UNC13C: variants seen among roughly 807,000 people sequenced by gnomAD.
The protein encoded by UNC13C is protein unc-13 homolog C.
UNC13C carries 174 observed loss-of-function variants against 245.4 expected under a neutral mutation model. That is an observed-to-expected ratio of 0.71 (90% CI 0.63 to 0.80). UNC13C has a LOEUF of 0.80. UNC13C is among the 30% of genes least tolerant of loss of function. The probability of loss-of-function intolerance (pLI) is 0.00; values close to 1 mark genes in which losing one functional copy is unlikely to be tolerated. For synonymous variants in UNC13C, 992 were observed against 895.1 expected (o/e 1.11, Z -1.93); for missense variants, 2,829 against 2,602.9 (o/e 1.09, Z -1.89).
At chr15:53,979,406 T>A (rs1450830054) in intron 1 of UNC13C, among the ~76,000 whole-genome samples, 1 of 124,342 alleles carries the variant, frequency 8.0e-6, no homozygotes, top group Non-Finnish European at 1.8e-5. Context: ...TACCAATGAT[T>A]TTTTTATTTC....
chr15:54,215,734 A>C (rs1483926524), intron 4 of UNC13C, among the ~76,000 whole-genome samples: 1 of 151,942 alleles, frequency 6.6e-6, no homozygotes, highest in Non-Finnish European at 1.5e-5. Flanking sequence ...AAATTACCTC[A>C]GTCAAGACTC....
intron 29 of UNC13C, among the ~76,000 whole-genome samples, chr15:54,558,301 G>A (rs1427729196): frequency 6.6e-6 from 1 of 152,038 alleles, no homozygotes; most frequent in South Asian, 2.1e-4. Context: ...AAAATTAAAA[G>A]TGAAGAGATT....
chr15:54,061,747 T>C (rs1230404791), intron 2 of UNC13C, among the ~76,000 whole-genome samples: 1 of 152,152 alleles, frequency 6.6e-6, no homozygotes, highest in African/African-American at 2.4e-5. Context: ...GCTTCCTCAC[T>C]GTATGCAGCC....
chr15:54,182,024 A>AT (rs2033818045), intron 4 of UNC13C, among the ~76,000 whole-genome samples: 1 of 150,122 alleles, frequency 6.7e-6, no homozygotes, highest in Non-Finnish European at 1.5e-5. Flanking sequence ...ATTGCCTTTT[A>AT]TTTTTTCTCT....
chr15:54,325,099 A>G (rs75416624), intron 14 of UNC13C, among the ~76,000 whole-genome samples: 4,107 of 152,166 alleles, frequency 0.027, 75 homozygotes, highest in African/African-American at 0.034. Context: ...GCACAGTTAT[A>G]TAAATTAAAG....
At chr15:53,842,441 C>T in the UNC13C span, among the ~76,000 whole-genome samples, 1 of 152,110 alleles carries the variant, frequency 6.6e-6, no homozygotes, top group Non-Finnish European at 1.5e-5. Flanking sequence ...GTCCTAAGAT[C>T]ATTGGCTGAG....
intron 10 of UNC13C, among the ~76,000 whole-genome samples, chr15:54,279,778 G>GTGAA (rs1163634429): frequency 1.3e-5 from 2 of 152,200 alleles, no homozygotes; most frequent in Non-Finnish European, 2.9e-5. Context: ...ATGTGGGAAT[G>GTGAA]TGAAGCTTTT....
chr15:54,556,480 C>A lies in UNC13C; in HGVS notation c.5958+968C>A. Among the ~76,000 whole-genome samples the A allele has an allele frequency of 1.3e-5, 2 of 152,056 alleles. 1 individual carries two copies. Among genetic ancestry groups the A allele is most frequent in the Non-Finnish European group, 2.9e-5 (2 of 67,962 alleles). ...TTTGCTGCTGCAGTGGTAAAAACTGCCACATTAAAGTTGGGAGGTGAGAGT... is the reference window on the plus strand; with the variant it reads ...TTTGCTGCTGCAGTGGTAAAAACTGACACATTAAAGTTGGGAGGTGAGAGT... On this transcript the variant is annotated intron_variant, in intron 29 of 32. Transcript: ENST00000260323.
intron 14 of UNC13C, 91 bp from the exon 15 acceptor site, chr15:54,331,952 C>A (rs927713063): frequency 1.3e-6 from 1 of 776,780 alleles, no homozygotes; most frequent in Non-Finnish European, 2.0e-6. Context: ...TCCTTCCTTT[C>A]TATAAAATAG....
chr15:54,366,207 AT>A (rs1237679595), intron 17 of UNC13C, among the ~76,000 whole-genome samples: 1 of 152,176 alleles, frequency 6.6e-6, no homozygotes, highest in East Asian at 1.9e-4. Flanking sequence ...TATTGCAGAC[AT>A]TTCATCTACA....
intron 30 of UNC13C, among the ~76,000 whole-genome samples, chr15:54,575,004 A>G (rs914336512): frequency 6.6e-6 from 1 of 152,040 alleles, no homozygotes; most frequent in African/African-American, 2.4e-5. Context: ...GGTCATTTTT[A>G]TAATTTAAGT....
intron 1 of UNC13C, among the ~76,000 whole-genome samples, chr15:53,985,789 CA>C (rs757099315): frequency 1.4e-4 from 22 of 152,138 alleles, no homozygotes; most frequent in African/African-American, 4.8e-4. Flanking sequence ...TCTTGTTGAT[CA>C]GGGGGTTCTG....
intron 4 of UNC13C, among the ~76,000 whole-genome samples, chr15:54,176,440 T>C (rs966909154): frequency 6.6e-6 from 1 of 152,178 alleles, no homozygotes; most frequent in African/African-American, 2.4e-5. Context: ...CTGGCTTACC[T>C]TGGCCCTGTA....
At chr15:54,469,955 A>G (rs866465050) in intron 19 of UNC13C, among the ~76,000 whole-genome samples, 2 of 151,504 alleles carry the variant, frequency 1.3e-5, no homozygotes, top group Admixed American at 6.6e-5. Flanking sequence ...GTTGAGTGGT[A>G]TGTTTTATCA....
the UNC13C span, among the ~76,000 whole-genome samples, chr15:53,910,346 C>G: frequency 6.9e-6 from 1 of 145,680 alleles, no homozygotes; most frequent in Admixed American, 7.1e-5. Flanking sequence ...GGGCAGATAC[C>G]CAGGCCTGCA....
intron 19 of UNC13C, among the ~76,000 whole-genome samples, chr15:54,436,823 A>G (rs1890246437): frequency 6.6e-6 from 1 of 151,942 alleles, no homozygotes; most frequent in South Asian, 2.1e-4. Context: ...CAGAACTTAA[A>G]GTAAAATTAA....
chr15:54,489,516 T>C (rs1596469569), intron 19 of UNC13C, among the ~76,000 whole-genome samples: 1 of 152,316 alleles, frequency 6.6e-6, no homozygotes, highest in East Asian at 1.9e-4. Context: ...TGTATGTATA[T>C]GTATGCAAGA....
chr15:54,212,762 T>G (rs1231971989), intron 4 of UNC13C, among the ~76,000 whole-genome samples: 2 of 152,110 alleles, frequency 1.3e-5, no homozygotes, highest in East Asian at 3.9e-4. Context: ...CACATTAAAC[T>G]AAACATAGAT....
intron 21 of UNC13C, 59 bp from the exon 22 acceptor site, chr15:54,500,776 A>AT: frequency 6.8e-7 from 1 of 1,480,742 alleles, no homozygotes; most frequent in Non-Finnish European, 9.2e-7. Context: ...AACAGTGAAG[A>AT]TTTTTCCATT....
Sources: gnomAD v4.1 joint callset for allele counts (sites outside exome capture counted in the v4.1 genomes callset) on GRCh38, gnomAD v4.1.1 for gene constraint, MANE v1.5 for transcripts, NCBI Gene and HGNC (gene_info 2026-07-23, HGNC 2026-07-21) for gene names.